HYDIN: variants seen among roughly 807,000 people sequenced by gnomAD.
The protein encoded by HYDIN is HYDIN axonemal central pair apparatus protein, also known as axonemal central pair apparatus protein HYDIN.
In HYDIN, 132 loss-of-function variants were observed where a neutral mutation model predicts 403.9. The observed-to-expected ratio is 0.33, with a 90% CI of 0.28 to 0.38. The LOEUF is 0.38. Among genes scored for constraint, HYDIN ranks in the 10% least tolerant of loss-of-function variants. The pLI, the probability that HYDIN is intolerant of heterozygous loss-of-function variation, is 1.00. For synonymous variants in HYDIN, 1,202 were observed against 1,891.7 expected, an observed-to-expected ratio of 0.64 and a Z score of 9.46; for missense variants, 2,827 against 5,009.5, an observed-to-expected ratio of 0.56 and a Z score of 13.15.
chr16:70,842,416 C>CT (rs2037890632), intron 75 of HYDIN, among the ~76,000 whole-genome samples: 1 of 151,010 alleles, frequency 6.6e-6, no homozygotes, highest in African/African-American at 2.4e-5. Flanking sequence ...TGGAGTGATT[C>CT]TTTTATCATT....
At chr16:71,124,315 G>C (rs1161170872) in intron 9 of HYDIN, among the ~76,000 whole-genome samples, 1 of 152,256 alleles carries the variant, frequency 6.6e-6, no homozygotes, top group Non-Finnish European at 1.5e-5. Flanking sequence ...TGCAGTTCTA[G>C]AGTTTTGAGT....
chr16:70,962,669 TG>T (rs1181723171), intron 37 of HYDIN, among the ~76,000 whole-genome samples: 5 of 148,650 alleles, frequency 3.4e-5, no homozygotes, highest in African/African-American at 1.2e-4. Flanking sequence ...CCTCATTGAT[TG>T]CCCATTGTTC....
At chr16:71,028,811 G>A (rs557805404) in intron 19 of HYDIN, among the ~76,000 whole-genome samples, 25 of 152,076 alleles carry the variant, frequency 1.6e-4, no homozygotes, top group South Asian at 6.3e-4. Context: ...CACGGGGCAC[G>A]CTCAAGGGAG....
intron 41 of HYDIN, among the ~76,000 whole-genome samples, chr16:70,946,668 G>C (rs942105792): frequency 1.3e-5 from 2 of 152,138 alleles, no homozygotes; most frequent in Admixed American, 1.3e-4. Flanking sequence ...GTTTCGATGG[G>C]GCCAGGTGCT....
intron 1 of HYDIN, among the ~76,000 whole-genome samples, chr16:71,199,865 C>A (rs571355730): frequency 8.1e-4 from 124 of 152,304 alleles, no homozygotes; most frequent in Non-Finnish European, 1.5e-3. Flanking sequence ...ACCAGAGCAA[C>A]TCCATCTTGA....
chr16:71,017,185 C>CAA (rs138869000), intron 23 of HYDIN, among the ~76,000 whole-genome samples: 43 of 123,008 alleles, frequency 3.5e-4, no homozygotes, highest in African/African-American at 1.1e-3. Flanking sequence ...ACTAAAAATA[C>CAA]AAAAAAAAAA....
rs552710785 is a variant in HYDIN at position 71,041,847 on chromosome 16, G to T, written c.2530-9930C>A. Among the ~76,000 whole-genome samples, 130 of 152,082 alleles carry T rather than the reference G, an allele frequency of 8.5e-4. 1 individual carries two copies. The East Asian group carries it at 0.018, about 21-fold the overall frequency. Reference sequence around the variant, plus strand: ...AAATAACTCAACTTAAAAGGATATGGTCACTCTTTTTAGAGCTCACTTAAT... The same window carrying T: ...AAATAACTCAACTTAAAAGGATATGTTCACTCTTTTTAGAGCTCACTTAAT... On this transcript the variant is annotated intron_variant, in intron 18 of 85. Transcript: ENST00000393567.
At chr16:71,158,631 A>T (rs1217559278) in intron 6 of HYDIN, among the ~76,000 whole-genome samples, 1 of 140,782 alleles carries the variant, frequency 7.1e-6, no homozygotes. Flanking sequence ...TTTAATGGGT[A>T]TTGTGAATGG....
chr16:71,178,811 A>C, intron 4 of HYDIN, 117 bp downstream of exon 4: 1 of 855,382 alleles, frequency 1.2e-6, no homozygotes, highest in Non-Finnish European at 1.8e-6. Context: ...TTTTCATACT[A>C]TTTTCCTAAG....
intron 23 of HYDIN, among the ~76,000 whole-genome samples, chr16:71,012,752 G>A (rs1479219300): frequency 2.6e-5 from 4 of 152,022 alleles, no homozygotes; most frequent in Non-Finnish European, 4.4e-5. Flanking sequence ...GTTAGTGTTC[G>A]TGTATGTCTG....
intron 57 of HYDIN, among the ~76,000 whole-genome samples, chr16:70,890,241 T>C (rs2041389398): frequency 6.6e-6 from 1 of 152,256 alleles, no homozygotes; most frequent in African/African-American, 2.4e-5. Flanking sequence ...CAAATGTATC[T>C]GAAATGCATC....
At chr16:70,957,542 G>T (rs2078283170) in intron 39 of HYDIN, among the ~76,000 whole-genome samples, 1 of 152,038 alleles carries the variant, frequency 6.6e-6, no homozygotes. Context: ...GGCCGGGCTG[G>T]TCTTGAACTC....
At chr16:70,938,297 G>C (rs1222535332) in intron 44 of HYDIN, among the ~76,000 whole-genome samples, 3 of 152,230 alleles carry the variant, frequency 2.0e-5, no homozygotes, top group South Asian at 4.1e-4. Flanking sequence ...TGCTGGTCAG[G>C]GGGGGCCAGC....
chr16:71,139,301 A>G (rs1428659452), intron 7 of HYDIN, among the ~76,000 whole-genome samples: 1 of 152,152 alleles, frequency 6.6e-6, no homozygotes, highest in African/African-American at 2.4e-5. Context: ...ACTTGCATCC[A>G]AAGTTTCAAA....
chr16:71,159,676 A>G (rs2085918957), intron 6 of HYDIN, among the ~76,000 whole-genome samples: 1 of 137,046 alleles, frequency 7.3e-6, no homozygotes, highest in Admixed American at 7.4e-5. Context: ...AAAAGAGACA[A>G]TTACATACAG....
chr16:71,125,835 G>C (rs2084432274), intron 9 of HYDIN, among the ~76,000 whole-genome samples: 1 of 152,104 alleles, frequency 6.6e-6, no homozygotes, highest in South Asian at 2.1e-4. Context: ...GGCTGTTCCA[G>C]GTCAGCAGCA....
intron 23 of HYDIN, among the ~76,000 whole-genome samples, chr16:70,999,895 C>T (rs2079647016): frequency 6.6e-6 from 1 of 152,170 alleles, no homozygotes; most frequent in South Asian, 2.1e-4. Flanking sequence ...GCTCTCTAGT[C>T]TAGATGGATT....
In HYDIN at chr16:70,938,739, T is replaced by A. The variant is rs376018008; in HGVS notation, c.6870A>T (p.Gly2290=). 25 of 1,614,052 alleles carry A rather than the reference T, an allele frequency of 1.5e-5. No individual in the cohort carries two copies. The highest frequency in any genetic ancestry group is 1.9e-5 in the Non-Finnish European group (23 of 1,180,048). Residue 2290 remains glycine, a synonymous_variant, in exon 44 of 86, where the codon GGA becomes GGT. Coordinates refer to ENST00000393567, the MANE Select transcript of HYDIN (RefSeq NM_001270974.2). ...GACGCTCCTTCTCTTTCTCAAGAGC[T>A]CCCTTGTGCTTGCGTTCTGTGAGGG... ...KKEQEERKHK[G]ALEKEKERLQ...
chr16:71,181,904 GA>G (rs1298038993), intron 3 of HYDIN, among the ~76,000 whole-genome samples: 1 of 152,092 alleles, frequency 6.6e-6, no homozygotes, highest in Non-Finnish European at 1.5e-5. Flanking sequence ...AAAAGGCTGT[GA>G]AAAAAAGCTA....
Sources: gnomAD v4.1 joint callset for allele counts (sites outside exome capture counted in the v4.1 genomes callset) on GRCh38, gnomAD v4.1.1 for gene constraint, MANE v1.5 for transcripts, NCBI Gene and HGNC (gene_info 2026-07-23, HGNC 2026-07-21) for gene names.